Variants in CSMD3 observed in about 807,000 individuals in gnomAD.
CSMD3 encodes the protein CUB and sushi domain-containing protein 3.
Under a neutral mutation model 435.2 loss-of-function variants are expected in CSMD3, and 177 were observed. The ratio of observed to expected loss-of-function variants is 0.41; its 90% CI spans 0.36 to 0.46. The LOEUF is 0.46. CSMD3 is among the 20% of genes least tolerant of loss of function. The probability of loss-of-function intolerance (pLI) is 0.34; values close to 1 mark genes in which losing one functional copy is unlikely to be tolerated. For synonymous variants in CSMD3, 1,656 were observed against 1,520.5 expected, an observed-to-expected ratio of 1.09 and a Z score of -2.07; for missense variants, 4,265 against 4,504.6, an observed-to-expected ratio of 0.95 and a Z score of 1.52.
At chr8:112,534,257 C>T (rs1010233069) in intron 27 of CSMD3, among the ~76,000 whole-genome samples, 4 of 151,844 alleles carry the variant, frequency 2.6e-5, no homozygotes, top group African/African-American at 9.7e-5. Context: ...AAAGGATCAA[C>T]AAAATTGATA....
At chr8:113,371,464 A>T (rs1261738615) in intron 1 of CSMD3, among the ~76,000 whole-genome samples, 2 of 152,146 alleles carry the variant, frequency 1.3e-5, no homozygotes, top group African/African-American at 4.8e-5. Flanking sequence ...ATGACAACAG[A>T]GGTACAATTA....
At chr8:112,343,472 C>T (rs1159723801) in intron 41 of CSMD3, among the ~76,000 whole-genome samples, 1 of 152,228 alleles carries the variant, frequency 6.6e-6, no homozygotes, top group Non-Finnish European at 1.5e-5. Context: ...CAATAACGTT[C>T]TGCTTTCCCA....
intron 9 of CSMD3, among the ~76,000 whole-genome samples, chr8:112,926,545 T>C (rs189060621): frequency 4.1e-4 from 62 of 152,316 alleles, no homozygotes; most frequent in Non-Finnish European, 1.5e-4. Flanking sequence ...CTCATGATTA[T>C]GCTGGTCAAT....
At chr8:112,781,488 A>G (rs1412486033) in intron 13 of CSMD3, among the ~76,000 whole-genome samples, 1 of 152,092 alleles carries the variant, frequency 6.6e-6, no homozygotes, top group Non-Finnish European at 1.5e-5. Context: ...TTCACCTTGG[A>G]CCAGAAAGAA....
intron 27 of CSMD3, among the ~76,000 whole-genome samples, chr8:112,548,409 A>G (rs1827381305): frequency 6.6e-6 from 1 of 152,160 alleles, no homozygotes; most frequent in South Asian, 2.1e-4. Flanking sequence ...TAATGCATGT[A>G]TCTAGAATAA....
chr8:113,392,610 G>T (rs1322020797), intron 1 of CSMD3, among the ~76,000 whole-genome samples: 1 of 151,944 alleles, frequency 6.6e-6, no homozygotes, highest in Non-Finnish European at 1.5e-5. Flanking sequence ...TCATTAATCT[G>T]AATAATACAC....
In CSMD3 at chr8:112,876,726, G is replaced by A. The variant is rs201394120; in HGVS notation, c.1634-17460C>T. Among the ~76,000 whole-genome samples, 34 of 152,124 alleles carry A rather than the reference G, an allele frequency of 2.2e-4. 1 individual carries two copies. The highest frequency in any genetic ancestry group is 5.3e-4 in the African/African-American group (22 of 41,508). ...ACAAGGATGCCCTCTCTCACTACTCGTATTCAACATAGTATTGGAAGTTCT... is the reference window on the plus strand; with the variant it reads ...ACAAGGATGCCCTCTCTCACTACTCATATTCAACATAGTATTGGAAGTTCT... On this transcript the variant is annotated intron_variant, in intron 10 of 70. Coordinates refer to ENST00000297405, the MANE Select transcript of CSMD3 (RefSeq NM_198123.2).
chr8:112,345,066 A>G (rs988111018), intron 41 of CSMD3, among the ~76,000 whole-genome samples: 6 of 152,162 alleles, frequency 3.9e-5, no homozygotes, highest in Admixed American at 6.6e-5. Context: ...GAAAAATAGT[A>G]TAAGTCTGTC....
At chr8:113,108,176 T>C (rs2090536710) in intron 4 of CSMD3, among the ~76,000 whole-genome samples, 1 of 152,078 alleles carries the variant, frequency 6.6e-6, no homozygotes, top group Non-Finnish European at 1.5e-5. Flanking sequence ...ACACCTGTAA[T>C]CCCAGCACTT....
chr8:113,308,256 G>GTT (rs1482490822), intron 2 of CSMD3, among the ~76,000 whole-genome samples: 10 of 74,414 alleles, frequency 1.3e-4, no homozygotes, highest in African/African-American at 3.8e-4. Flanking sequence ...AATCATTTAA[G>GTT]TCTTTTTTTT....
At chr8:112,602,785 T>C (rs1832471039) in intron 22 of CSMD3, among the ~76,000 whole-genome samples, 1 of 152,204 alleles carries the variant, frequency 6.6e-6, no homozygotes, top group Non-Finnish European at 1.5e-5. Flanking sequence ...TATATATTTA[T>C]AGTACTGTAT....
intron 3 of CSMD3, among the ~76,000 whole-genome samples, chr8:113,184,159 T>C (rs1353318237): frequency 6.6e-6 from 1 of 152,002 alleles, no homozygotes; most frequent in Non-Finnish European, 1.5e-5. Context: ...AGGATACAGA[T>C]GAAGAGATGC....
chr8:113,102,303 A>G (rs147446914), intron 4 of CSMD3, among the ~76,000 whole-genome samples: 30 of 152,220 alleles, frequency 2.0e-4, no homozygotes, highest in African/African-American at 6.7e-4. Flanking sequence ...TACACATAGG[A>G]TCATATTGGT....
chr8:113,166,061 A>G (rs112488924), intron 4 of CSMD3, among the ~76,000 whole-genome samples: 3 of 152,082 alleles, frequency 2.0e-5, no homozygotes, highest in African/African-American at 7.2e-5. Context: ...TAGACTATAC[A>G]CAGTTAGACA....
rs139131470 is a variant in CSMD3, at chr8:112,931,131, C to A, written c.1509-9380G>T. On this transcript the variant is annotated intron_variant, in intron 9 of 70. Transcript: ENST00000297405. ...TTTTATTAAAATAAATCTGCCAAAG[C>A]AAACATACCTTAAATACTTCATCAT... Among the ~76,000 whole-genome samples the A allele has an allele frequency of 7.9e-5, 12 of 152,082 alleles. No individual in the cohort carries two copies. In the East Asian group the frequency reaches 2.3e-3, roughly 29 times the overall value.
rs79896954 is a variant in CSMD3, at chr8:113,367,832, C to A, written c.179-53039G>T. On this transcript the variant is annotated intron_variant, in intron 1 of 70. Coordinates refer to ENST00000297405, the MANE Select transcript of CSMD3 (RefSeq NM_198123.2). Reference sequence around the variant, plus strand: ...CTTTAAATAGACTTCCCTGGCCCACCACCTCTAAAGTGTCTTTGCCTCTTC... The same window carrying A: ...CTTTAAATAGACTTCCCTGGCCCACAACCTCTAAAGTGTCTTTGCCTCTTC... Among the ~76,000 whole-genome samples the A allele has an allele frequency of 4.6e-3, 707 of 152,194 alleles. 7 individuals are homozygous for A. The highest frequency in any genetic ancestry group is 6.7e-3 in the Non-Finnish European group (458 of 67,986).
chr8:113,422,270 C>T (rs2094612272), intron 1 of CSMD3, among the ~76,000 whole-genome samples: 1 of 152,048 alleles, frequency 6.6e-6, no homozygotes, highest in Non-Finnish European at 1.5e-5. Context: ...TTTCAGAGCA[C>T]CTTCAAAGAG....
At chr8:113,223,994 T>C (rs2092998903) in intron 3 of CSMD3, among the ~76,000 whole-genome samples, 1 of 151,090 alleles carries the variant, frequency 6.6e-6, no homozygotes, top group East Asian at 1.9e-4. Context: ...TTTTCTAGCA[T>C]GTTCCTACAA....
At chr8:113,043,389 T>C (rs1045779235) in intron 5 of CSMD3, among the ~76,000 whole-genome samples, 24 of 152,176 alleles carry the variant, frequency 1.6e-4, no homozygotes, top group Non-Finnish European at 2.9e-4. Flanking sequence ...TTATGCCAGA[T>C]TTTTAGAGAC....
Sources: allele counts gnomAD v4.1 joint callset (sites outside exome capture counted in the v4.1 genomes callset), GRCh38; gene constraint gnomAD v4.1.1; transcripts MANE v1.5; gene names NCBI Gene and HGNC (gene_info 2026-07-23, HGNC 2026-07-21).